The following MMS22L variants were observed in gnomAD, a reference collection of about 807,000 sequenced individuals.
The protein encoded by MMS22L is MMS22 like, DNA repair protein.
Under a neutral mutation model 159.1 loss-of-function variants are expected in MMS22L, and 74 were observed. The ratio of observed to expected loss-of-function variants is 0.47; its 90% CI spans 0.39 to 0.56. The LOEUF is 0.56. Among genes scored for constraint, MMS22L ranks in the 20% least tolerant of loss-of-function variants. The pLI, the probability that MMS22L is intolerant of heterozygous loss-of-function variation, is 0.00. For missense variants in MMS22L, 1,351 were observed against 1,422.1 expected (o/e 0.95, Z 0.80); for synonymous variants, 517 against 506.9 (o/e 1.02, Z -0.27).
At chr6:97,189,695 A>G (rs901439179) in intron 14 of MMS22L, among the ~76,000 whole-genome samples, 10 of 151,956 alleles carry the variant, frequency 6.6e-5, no homozygotes, top group African/African-American at 2.4e-4. Flanking sequence ...AGGGTAAGAC[A>G]CTGACCCCAA....
At chr6:97,225,806 C>T (rs934451632) in intron 14 of MMS22L, among the ~76,000 whole-genome samples, 2 of 151,988 alleles carry the variant, frequency 1.3e-5, no homozygotes, top group Non-Finnish European at 2.9e-5. Context: ...CTCCTGACCT[C>T]GTGATCCGCC....
intron 14 of MMS22L, among the ~76,000 whole-genome samples, chr6:97,221,246 C>T (rs1005134388): frequency 1.3e-5 from 2 of 152,012 alleles, no homozygotes; most frequent in Non-Finnish European, 2.9e-5. Flanking sequence ...AGTTTTTCCT[C>T]ACATTATTTT....
Position 97,144,589 on chromosome 6 carries a change from C to T in MMS22L, c.*2217G>A, listed in dbSNP as rs1582329433. ...CTCAGATTTGACCAAAAGACAATGGCTTGTATTACACTGGTAGAAGCAGCA... is the reference window on the plus strand; with the variant it reads ...CTCAGATTTGACCAAAAGACAATGGTTTGTATTACACTGGTAGAAGCAGCA... On this transcript the variant is annotated 3_prime_UTR_variant, in exon 25 of 25. Transcript: ENST00000683635. The T allele has an allele frequency of 6.6e-6, 1 of 152,100 alleles. No homozygotes were observed. Among genetic ancestry groups the T allele is most frequent in the East Asian group, 1.9e-4 (1 of 5,172 alleles). 9.4% of individuals were successfully genotyped at this position (152,100 alleles called of 1,614,324 possible). A position where few individuals can be genotyped will look rare whatever the true frequency, so the allele number is the denominator to read the frequency against.
intron 22 of MMS22L, among the ~76,000 whole-genome samples, chr6:97,152,550 T>C (rs1296089357): frequency 6.6e-6 from 1 of 152,026 alleles, no homozygotes; most frequent in Non-Finnish European, 1.5e-5. Flanking sequence ...ACATTAAATA[T>C]AAGAAACCAG....
rs1233219469 is a variant in MMS22L at position 97,267,940 on chromosome 6, G to A, written c.760C>T (p.Leu254=). The A allele has an allele frequency of 1.4e-5, 23 of 1,608,546 alleles. No individual in the cohort carries two copies. In the Admixed American group the frequency reaches 3.8e-4, roughly 26 times the overall value. Residue 254 remains leucine, a synonymous_variant, in exon 8 of 25, where the codon CTA becomes TTA. Transcript: ENST00000683635. Reference sequence around the variant, plus strand: ...AGAGTTTCACAATGTTCTTCAAATAGGCTGATGTTGGTTAAATTGTCACTT... The same window carrying A: ...AGAGTTTCACAATGTTCTTCAAATAAGCTGATGTTGGTTAAATTGTCACTT... ...LASDNLTNIS[L]FEEHCETLLC... is the part of the protein sequence containing the mutation.
chr6:97,163,871 G>A lies in MMS22L; in HGVS notation c.3221+1375C>T, dbSNP rs548765653. Among the ~76,000 whole-genome samples, 4 of 152,010 alleles carry A rather than the reference G, an allele frequency of 2.6e-5. No homozygotes were observed. In the South Asian group the frequency reaches 8.3e-4, roughly 32 times the overall value. On this transcript the variant is annotated intron_variant, in intron 21 of 24. Coordinates refer to ENST00000683635, the MANE Select transcript of MMS22L (RefSeq NM_001350599.2). ...AGGGAGGTATGAGGCATTTTGGAGG[G>A]GCAATATGAATCTTATTAGGGGTTG...
At chr6:97,252,314 T>C (rs937480793) in intron 10 of MMS22L, among the ~76,000 whole-genome samples, 3 of 151,980 alleles carry the variant, frequency 2.0e-5, no homozygotes, top group African/African-American at 4.8e-5. Flanking sequence ...CCTAAAAGCA[T>C]GTTCCTTGAA....
rs1244903607 is a variant in MMS22L at position 97,269,982 on chromosome 6, G to A, written c.617C>T (p.Pro206Leu). 9.3e-6 allele frequency: 15 copies of A among 1,610,492 alleles called. No individual in the cohort carries two copies. Among genetic ancestry groups the A allele is most frequent in the South Asian group, 2.2e-5 (2 of 90,236 alleles). Residue 206 changes from proline (P) to leucine (L), a missense_variant, in exon 7 of 25, where the codon CCG (proline) becomes CTG (leucine). Physicochemically the swap from Pro to Leu is moderately conservative, Grantham distance 98 (BLOSUM62 -3). Coordinates refer to ENST00000683635, the MANE Select transcript of MMS22L (RefSeq NM_001350599.2). Reference protein sequence around the residue: ...VNQNQIKLFPPSWHLLHLHLD... With the variant: ...VNQNQIKLFPLSWHLLHLHLD... ...GTGGAGATGTAATAAATGCCATGAC[G>A]GTGGAAAAAGCTGTGGATGACATTA...
Position 97,168,118 on chromosome 6 carries a change from C to T in MMS22L, c.2962G>A (p.Ala988Thr), listed in dbSNP as rs1803162813. Residue 988 changes from alanine (A) to threonine (T), a missense_variant, in exon 20 of 25, where the codon GCA (alanine) becomes ACA (threonine). By Grantham distance (58) the Ala-to-Thr change is moderately conservative (BLOSUM62 0). Transcript: ENST00000683635. ...AVLQQEKELP[A>T]PMLSAIQKSL... ...TTCTGAATTGCTGACAACATAGGTGCAGGCAGTTCCTTCTCTTGCTGTAAT... is the reference window on the plus strand; with the variant it reads ...TTCTGAATTGCTGACAACATAGGTGTAGGCAGTTCCTTCTCTTGCTGTAAT... 6.2e-7 allele frequency: 1 copy of T among 1,612,752 alleles called. No individual in the cohort carries two copies. Among genetic ancestry groups the T allele is most frequent in the South Asian group, 1.1e-5 (1 of 91,002 alleles).
At chr6:97,189,467 T>C (rs1221407776) in intron 14 of MMS22L, among the ~76,000 whole-genome samples, 1 of 141,818 alleles carries the variant, frequency 7.1e-6, no homozygotes, top group Non-Finnish European at 1.5e-5. Flanking sequence ...AGGCTTAGGC[T>C]GGAGGATTGC....
At chr6:97,260,624 T>C (rs1814361482) in intron 9 of MMS22L, 1 of 152,242 alleles carries the variant, frequency 6.6e-6, no homozygotes, top group African/African-American at 2.4e-5. Flanking sequence ...TAATTCAATC[T>C]ACAGTGTTGT....
chr6:97,225,248 G>A (rs1810095892), intron 14 of MMS22L, among the ~76,000 whole-genome samples: 1 of 152,172 alleles, frequency 6.6e-6, no homozygotes, highest in South Asian at 2.1e-4. Context: ...ATAGAGAAAA[G>A]AGTTCCTCTC....
chr6:97,163,369 G>A (rs1802639879), intron 21 of MMS22L, among the ~76,000 whole-genome samples: 1 of 151,972 alleles, frequency 6.6e-6, no homozygotes, highest in Admixed American at 6.6e-5. Context: ...TAACTCAGAT[G>A]AGGGAGTGCA....
At chr6:97,207,383 C>G (rs1807898859) in intron 14 of MMS22L, among the ~76,000 whole-genome samples, 2 of 152,090 alleles carry the variant, frequency 1.3e-5, no homozygotes, top group Admixed American at 1.3e-4. Context: ...TGTTATACTT[C>G]AATGTACAAA....
intron 10 of MMS22L, among the ~76,000 whole-genome samples, chr6:97,250,687 T>C (rs751595551): frequency 3.9e-5 from 6 of 152,118 alleles, no homozygotes; most frequent in Non-Finnish European, 8.8e-5. Context: ...GTTAAATCCA[T>C]TATAGCTTTG....
chr6:97,224,010 A>T (rs36080758), intron 14 of MMS22L, among the ~76,000 whole-genome samples: 12,867 of 152,174 alleles, frequency 0.085, 1,023 homozygotes, highest in African/African-American at 0.21. Flanking sequence ...TTTTATGGCA[A>T]TTGTTTTCAA....
chr6:97,182,260 C>T (rs538100260), intron 15 of MMS22L, among the ~76,000 whole-genome samples: 1 of 151,986 alleles, frequency 6.6e-6, no homozygotes, highest in South Asian at 2.1e-4. Context: ...TCTAGATCTC[C>T]AAGAAAGGCC....
chr6:97,274,428 G>A (rs1205226137), intron 4 of MMS22L, among the ~76,000 whole-genome samples: 1 of 152,104 alleles, frequency 6.6e-6, no homozygotes, highest in African/African-American at 2.4e-5. Context: ...CTGCATCCAG[G>A]CAAGACGGAG....
chr6:97,266,093 G>A (rs1815080128), intron 8 of MMS22L: 1 of 152,128 alleles, frequency 6.6e-6, no homozygotes, highest in Non-Finnish European at 1.5e-5. Context: ...ACTCATTATG[G>A]AAATGCAAAT....
Sources: allele counts gnomAD v4.1 joint callset (sites outside exome capture counted in the v4.1 genomes callset), GRCh38; gene constraint gnomAD v4.1.1; transcripts MANE v1.5; gene names NCBI Gene and HGNC (gene_info 2026-07-23, HGNC 2026-07-21).